The following TG variants were observed in gnomAD, a reference collection of about 807,000 sequenced individuals.
The protein encoded by TG is thyroid hormones.
Under a neutral mutation model 324.7 loss-of-function variants are expected in TG, and 270 were observed. The observed-to-expected ratio is 0.83, with a 90% CI of 0.75 to 0.92. The LOEUF (loss-of-function observed/expected upper bound fraction) is 0.92, where lower values mean the gene tolerates loss of function less well. TG is among the 40% of genes least tolerant of loss of function. The pLI, the probability that TG is intolerant of heterozygous loss-of-function variation, is 0.00. For missense variants in TG, 3,591 were observed against 3,456.4 expected, an observed-to-expected ratio of 1.04 and a Z score of -0.98; for synonymous variants, 1,401 against 1,327.0, an observed-to-expected ratio of 1.06 and a Z score of -1.21.
In TG at chr8:133,075,004, CAGA is replaced by C. The variant is rs573103750; in HGVS notation, c.7240-20035_7240-20033del. On this transcript the variant is annotated intron_variant, in intron 41 of 47. Coordinates refer to ENST00000220616, the MANE Select transcript of TG (RefSeq NM_003235.5). ...TTGTGGAGAAGCAGCCCATGCTACACAGAAGAACTGCAGTTGCTAAACTGGCCG... is the reference window on the plus strand; with the variant it reads ...TTGTGGAGAAGCAGCCCATGCTACACAGAACTGCAGTTGCTAAACTGGCCG... 2.9e-5 allele frequency: 29 copies of C among 985,466 alleles called. No individual in the cohort carries two copies. In the South Asian group the frequency reaches 1.2e-3, roughly 40 times the overall value. The allele number at this position is 985,466 out of a possible 1,614,324, so 61.0% of individuals were successfully genotyped here.
At chr8:132,900,484 T>C (rs1817758467) in intron 15 of TG, 145 bp downstream of exon 15, 4 of 760,306 alleles carry the variant, frequency 5.3e-6, no homozygotes. Flanking sequence ...GCCTCAGTTT[T>C]CTCATCTATG....
intron 35 of TG, chr8:132,989,060 A>G (rs1260112340): frequency 4.4e-6 from 1 of 228,098 alleles, no homozygotes; most frequent in Admixed American, 6.5e-5. Flanking sequence ...CGTGGATGAC[A>G]GCAGGCAAAG....
rs771682922 is a variant in TG, at chr8:133,096,370, G to A, written c.7569G>A (p.Val2523=). Residue 2523 remains valine (V), a synonymous_variant, in exon 43 of 48, where the codon GTG becomes GTA. Transcript: ENST00000220616. ...GGCTCATCAACAGAGCAAAGGCTGT[G>A]AAGGTAAGCAGGGAGGGGGCCTCGG... ...DDGLINRAKA[V]KQFEESRGRT... The A allele has an allele frequency of 5.6e-5, 91 of 1,614,082 alleles. No individual in the cohort carries two copies. Among genetic ancestry groups the A allele is most frequent in the Non-Finnish European group, 4.2e-5 (49 of 1,180,040 alleles).
At chr8:132,896,674 C>T (rs1484504564) in intron 11 of TG, among the ~76,000 whole-genome samples, 5 of 152,146 alleles carry the variant, frequency 3.3e-5, no homozygotes, top group Admixed American at 1.3e-4. Flanking sequence ...CCGCTGCCCA[C>T]CCTTGCTTCT....
chr8:133,074,270 G>T (rs1389886403), intron 41 of TG, among the ~76,000 whole-genome samples: 1 of 152,058 alleles, frequency 6.6e-6, no homozygotes, highest in Non-Finnish European at 1.5e-5. Flanking sequence ...TCTTAAAGAA[G>T]ATGCATACAA....
chr8:133,061,311 G>A (rs975269507), intron 41 of TG, among the ~76,000 whole-genome samples: 4 of 152,204 alleles, frequency 2.6e-5, no homozygotes, highest in Non-Finnish European at 4.4e-5. Context: ...GCCTGGCCAA[G>A]TCATTAACCT....
Position 132,901,784 on chromosome 8 carries a change from C to A in TG, c.3634+231C>A, listed in dbSNP as rs368008025. Among the ~76,000 whole-genome samples, 40 of 152,280 alleles carry A rather than the reference C, an allele frequency of 2.6e-4. No individual in the cohort carries two copies. The East Asian group carries it at 6.2e-3, about 24-fold the overall frequency. On this transcript the variant is annotated intron_variant, in intron 16 of 47. Transcript: ENST00000220616. ...GAGCCTGGGCAGGGAACCCCCAGAA[C>A]TGACACCTTAAGAAGCTTGGGGGCT...
intron 41 of TG, chr8:133,050,137 C>G: frequency 1.5e-6 from 1 of 664,194 alleles, no homozygotes; most frequent in Admixed American, 2.3e-5. Flanking sequence ...CATATTTCGT[C>G]ATCTGAAAAT....
chr8:133,002,350 T>C (rs1166970370), intron 35 of TG: 1 of 985,274 alleles, frequency 1.0e-6, no homozygotes, highest in Non-Finnish European at 1.2e-6. Context: ...AGTTGGACTG[T>C]CTTTAAACCA....
chr8:133,091,952 GC>G (rs1847619014), intron 41 of TG, among the ~76,000 whole-genome samples: 1 of 151,772 alleles, frequency 6.6e-6, no homozygotes, highest in African/African-American at 2.4e-5. Flanking sequence ...TCCATCTGTG[GC>G]TGTGTGTCTG....
At chr8:133,115,676 A>C (rs1850621998) in intron 44 of TG, among the ~76,000 whole-genome samples, 1 of 152,246 alleles carries the variant, frequency 6.6e-6, no homozygotes, top group African/African-American at 2.4e-5. Flanking sequence ...TCAAGGAGAT[A>C]AAAGAACTGC....
At chr8:132,879,508 C>T (rs1814339463) in intron 5 of TG, among the ~76,000 whole-genome samples, 1 of 152,204 alleles carries the variant, frequency 6.6e-6, no homozygotes. Context: ...TCATACATAT[C>T]ACTTGTGATT....
At chr8:133,055,679 G>A (rs971401100) in intron 41 of TG, among the ~76,000 whole-genome samples, 1 of 152,178 alleles carries the variant, frequency 6.6e-6, no homozygotes, top group Non-Finnish European at 1.5e-5. Flanking sequence ...GATATAGGCA[G>A]GGCTAGCACA....
intron 37 of TG, among the ~76,000 whole-genome samples, chr8:133,015,884 A>G (rs1317906052): frequency 6.6e-6 from 1 of 152,074 alleles, no homozygotes; most frequent in Non-Finnish European, 1.5e-5. Flanking sequence ...TCATATTCCA[A>G]TGTCTTTGCG....
intron 41 of TG, among the ~76,000 whole-genome samples, chr8:133,065,105 T>A (rs1842866641): frequency 6.6e-6 from 1 of 152,192 alleles, no homozygotes; most frequent in Non-Finnish European, 1.5e-5. Context: ...CATGGAAGTG[T>A]GGTGCGGCAA....
chr8:133,049,775 A>T, intron 41 of TG: 1 of 719,892 alleles, frequency 1.4e-6, no homozygotes, highest in Non-Finnish European at 2.5e-6. Context: ...CTGGGTTGGG[A>T]GCAGGACTAT....
intron 41 of TG, chr8:133,059,267 CT>C (rs1587932612): frequency 5.2e-6 from 2 of 384,126 alleles, no homozygotes; most frequent in African/African-American, 4.2e-5. Flanking sequence ...AAGGTGCCCC[CT>C]GGCTTCCCTA....
chr8:133,048,194 C>G (rs1839814153), intron 41 of TG, among the ~76,000 whole-genome samples: 1 of 152,126 alleles, frequency 6.6e-6, no homozygotes, highest in Admixed American at 6.5e-5. Context: ...ATAACCACCT[C>G]ACTTCACTGC....
chr8:132,911,424 C>T lies in TG; in HGVS notation c.4050C>T (p.Ser1350=), dbSNP rs777737992. The T allele has an allele frequency of 6.2e-7, 1 of 1,614,206 alleles. No individual in the cohort carries two copies. The highest frequency in any genetic ancestry group is 1.1e-5 in the South Asian group (1 of 91,082). The change falls in exon 19 of 48, where the codon TCC becomes TCT. Residue 1350 remains serine (S), a synonymous_variant. Transcript: ENST00000220616. ...TLVSIPVCNN[S]SVQVGCLTRE... ...TTTCCATTCCTGTCTGCAACAACTC[C>T]TCTGTGCAGGTGGGTTGTCTGACCA...
Sources: gnomAD v4.1 joint callset for allele counts (sites outside exome capture counted in the v4.1 genomes callset) on GRCh38, gnomAD v4.1.1 for gene constraint, MANE v1.5 for transcripts, NCBI Gene and HGNC (gene_info 2026-07-23, HGNC 2026-07-21) for gene names.